DNAH9: variants seen among roughly 807,000 people sequenced by gnomAD.
DNAH9 encodes the protein dynein axonemal heavy chain 9.
DNAH9 carries 345 observed loss-of-function variants against 471.6 expected under a neutral mutation model. That is an observed-to-expected ratio of 0.73 (90% CI 0.67 to 0.80). DNAH9 has a LOEUF of 0.80. Ranked by LOEUF, DNAH9 falls within the 30% of genes least tolerant of loss-of-function variation. The pLI is 0.00. For synonymous variants in DNAH9, 2,093 were observed against 2,123.6 expected (o/e 0.99, Z 0.40); for missense variants, 5,407 against 5,609.2 (o/e 0.96, Z 1.15).
At chr17:11,927,803 G>A (rs964265229) in intron 62 of DNAH9, among the ~76,000 whole-genome samples, 2 of 152,100 alleles carry the variant, frequency 1.3e-5, no homozygotes, top group Admixed American at 6.6e-5. Flanking sequence ...AACCCTGTGG[G>A]GCAGCCTCGA....
intron 19 of DNAH9, among the ~76,000 whole-genome samples, chr17:11,683,236 C>T (rs1050614042): frequency 6.6e-5 from 10 of 152,178 alleles, no homozygotes; most frequent in Non-Finnish European, 8.8e-5. Context: ...TGCAATGGCA[C>T]GATCTCGGCT....
At chr17:11,961,725 G>A in intron 67 of DNAH9, 142 bp from the exon 68 acceptor site, 1 of 1,020,460 alleles carries the variant, frequency 9.8e-7, no homozygotes, top group Non-Finnish European at 1.4e-6. Context: ...ACCTACCCCT[G>A]GAGTTTTATG....
Position 11,692,535 on chromosome 17 carries a change from C to T in DNAH9, c.4615-1333C>T, listed in dbSNP as rs148296764. 3.0e-4 allele frequency among the ~76,000 whole-genome samples: 45 copies of T among 152,214 alleles called. 1 individual carries two copies. The highest frequency in any genetic ancestry group is 8.9e-4 in the African/African-American group (37 of 41,528). ...TTCATTTTGGTTATATAAACTTTTG[C>T]AGGGGTCCAGAAAGAACGTTAGATC... On this transcript the variant is annotated intron_variant, in intron 20 of 68. Transcript: ENST00000262442.
intron 29 of DNAH9, among the ~76,000 whole-genome samples, chr17:11,740,300 G>C (rs573692603): frequency 1.3e-5 from 2 of 151,932 alleles, no homozygotes; most frequent in African/African-American, 4.8e-5. Flanking sequence ...GCCAGTTCAG[G>C]GTGCCATAAT....
rs12946299 is a variant in DNAH9 at position 11,694,605 on chromosome 17, T to G, written c.4872+158T>G. On this transcript the variant is annotated intron_variant, in intron 22 of 68. Coordinates refer to ENST00000262442, the MANE Select transcript of DNAH9 (RefSeq NM_001372.4). ...AGCATCATCACATACCTCGGAGCTT[T>G]CTTGCTTTCTTGCTTTCTTGCTTTC... Among the ~76,000 whole-genome samples the G allele has an allele frequency of 0.27, 3,687 of 13,754 alleles. 600 individuals are homozygous for G. Among genetic ancestry groups the G allele is most frequent in the Middle Eastern group, 0.55 (12 of 22 alleles). 9.0% of individuals were successfully genotyped at this position (13,754 alleles called of 152,430 possible). A position where few individuals can be genotyped will look rare whatever the true frequency, so the allele number is the denominator to read the frequency against.
intron 19 of DNAH9, among the ~76,000 whole-genome samples, chr17:11,689,000 G>A (rs1296116019): frequency 6.6e-6 from 1 of 152,004 alleles, no homozygotes; most frequent in African/African-American, 2.4e-5. Context: ...GGAGGCTGAG[G>A]CAGAGAATTG....
At chr17:11,693,223 A>C (rs900318076) in intron 20 of DNAH9, among the ~76,000 whole-genome samples, 3 of 130,500 alleles carry the variant, frequency 2.3e-5, no homozygotes, top group Middle Eastern at 4.6e-3. Flanking sequence ...TATTATTGCT[A>C]CTTTTAAAAT....
rs751934376 is a variant in DNAH9 at position 11,652,804 on chromosome 17, T to C, written c.2397T>C (p.Asp799=). The C allele has an allele frequency of 1.9e-6, 3 of 1,613,758 alleles. No individual in the cohort carries two copies. In the African/African-American group the frequency reaches 4.0e-5, roughly 22 times the overall value. ...YVTEITSSIH[D]LEQRIQKTKD... ...CTGAAATCACCAGTAGTATTCATGATCTTGAACAAAGAATTCAGAAAACTA... is the reference window on the plus strand; with the variant it reads ...CTGAAATCACCAGTAGTATTCATGACCTTGAACAAAGAATTCAGAAAACTA... Residue 799 remains aspartate, a synonymous_variant, in exon 14 of 69, where the codon GAT becomes GAC. Transcript: ENST00000262442.
chr17:11,839,863 T>C (rs1261280075), intron 49 of DNAH9, among the ~76,000 whole-genome samples: 1 of 152,190 alleles, frequency 6.6e-6, no homozygotes, highest in Non-Finnish European at 1.5e-5. Flanking sequence ...GTATGTACAG[T>C]GAGAGCACCT....
chr17:11,743,519 C>CT (rs1478819393), intron 30 of DNAH9, among the ~76,000 whole-genome samples: 1 of 152,190 alleles, frequency 6.6e-6, no homozygotes, highest in Admixed American at 6.5e-5. Context: ...TTATCACTCT[C>CT]TGCTAAATAC....
intron 5 of DNAH9, 25 bp from the exon 6 acceptor site, chr17:11,619,523 T>C (rs758118103): frequency 1.5e-6 from 2 of 1,375,252 alleles, no homozygotes; most frequent in Admixed American, 1.7e-5. Flanking sequence ...ACCTGCTCAG[T>C]GATACTAATC....
At position 11,715,041 on chromosome 17, in the gene DNAH9, G is replaced by A. The variant is rs547243634; in HGVS notation, c.5553-4293G>A. ...GATGTTCTTTTAAGGCACTGAGTGC[G>A]TGGTAATTTGTTACACAGCAATAGA... On this transcript the variant is annotated intron_variant, in intron 26 of 68. Coordinates refer to ENST00000262442, the MANE Select transcript of DNAH9 (RefSeq NM_001372.4). 3.9e-5 allele frequency among the ~76,000 whole-genome samples: 6 copies of A among 152,292 alleles called. No homozygotes were observed. In the East Asian group the frequency reaches 7.7e-4, roughly 20 times the overall value.
chr17:11,795,784 A>AT (rs768178956), intron 42 of DNAH9, among the ~76,000 whole-genome samples: 6 of 152,210 alleles, frequency 3.9e-5, no homozygotes, highest in Non-Finnish European at 5.9e-5. Flanking sequence ...ATAGAGTTCC[A>AT]TGTGTGGGTC....
rs2075393641 is a variant in DNAH9, at chr17:11,738,928, T to A, written c.5863T>A (p.Phe1955Ile). Reference sequence around the variant, plus strand: ...TAGAGATAAGAAGCAGTGGTTCAGCTTCCTTGGGGAGGAGATCAGCCTGAA... The same window carrying A: ...TAGAGATAAGAAGCAGTGGTTCAGCATCCTTGGGGAGGAGATCAGCCTGAA... ...AIRDKKQWFS[F>I]LGEEISLNPS... Residue 1955 changes from phenylalanine (F) to isoleucine (I), a missense_variant, in exon 29 of 69, where the codon TTC becomes ATC. Around this residue, in one of 3 missense-constraint regions of DNAH9, gnomAD observed 4,636 missense variants for 4,900.3 expected, o/e 0.95. Coordinates refer to ENST00000262442, the MANE Select transcript of DNAH9 (RefSeq NM_001372.4). The A allele has an allele frequency of 6.2e-7, 1 of 1,614,142 alleles. No homozygotes were observed. Among genetic ancestry groups the A allele is most frequent in the South Asian group, 1.1e-5 (1 of 91,076 alleles).
intron 10 of DNAH9, among the ~76,000 whole-genome samples, chr17:11,643,255 A>G (rs1257004284): frequency 6.6e-6 from 1 of 152,174 alleles, no homozygotes; most frequent in Non-Finnish European, 1.5e-5. Flanking sequence ...GTGTGTGCAC[A>G]CTTGTGTTTA....
rs1193246497 is a variant in DNAH9 at position 11,762,770 on chromosome 17, G to GTTTGTTTTTT, written c.6996-667_6996-666insGTTTTTTTTT. On this transcript the variant is annotated intron_variant, in intron 35 of 68. Coordinates refer to ENST00000262442, the MANE Select transcript of DNAH9 (RefSeq NM_001372.4). ...CCTCTTTAGGTGCGTTTTTTTTTTT[G>GTTTGTTTTTT]TTTTTTTTTTTTTTTTTTTTTTTTT... Among the ~76,000 whole-genome samples, 154 of 90,770 alleles carry GTTTGTTTTTT rather than the reference G, an allele frequency of 1.7e-3. 9 individuals carry two copies. The highest frequency in any genetic ancestry group is 2.6e-3 in the Non-Finnish European group (121 of 45,766). The allele number at this position is 90,770 out of a possible 152,430, so 59.5% of individuals were successfully genotyped here.
intron 1 of DNAH9, among the ~76,000 whole-genome samples, chr17:11,605,745 T>C (rs2072491124): frequency 6.6e-6 from 1 of 150,744 alleles, no homozygotes; most frequent in South Asian, 2.1e-4. Flanking sequence ...GCTCAAACAA[T>C]CTGCCCTCCT....
chr17:11,850,411 G>T (rs1417026152), intron 49 of DNAH9, among the ~76,000 whole-genome samples: 1 of 152,178 alleles, frequency 6.6e-6, no homozygotes, highest in East Asian at 1.9e-4. Flanking sequence ...CACTTTGGAA[G>T]GCCGAGGCAG....
chr17:11,878,798 G>T (rs982944333), intron 53 of DNAH9, among the ~76,000 whole-genome samples: 1 of 152,030 alleles, frequency 6.6e-6, no homozygotes, highest in African/African-American at 2.4e-5. Flanking sequence ...CAATCTCCTG[G>T]CCTCAAGCAA....
Sources: gnomAD v4.1 joint callset for allele counts (sites outside exome capture counted in the v4.1 genomes callset) on GRCh38, gnomAD v4.1.1 for gene constraint, gnomAD v4.1.1 regional missense constraint, MANE v1.5 for transcripts, NCBI Gene and HGNC (gene_info 2026-07-23, HGNC 2026-07-21) for gene names.